Variants in FLNB observed in about 807,000 individuals in gnomAD.
FLNB encodes the protein filamin B.
FLNB carries 111 observed loss-of-function variants against 250.6 expected under a neutral mutation model. The ratio of observed to expected loss-of-function variants is 0.44; its 90% confidence interval spans 0.38 to 0.52. The LOEUF (loss-of-function observed/expected upper bound fraction) is 0.52. FLNB is among the 20% of genes least tolerant of loss of function. The pLI is 0.00. For synonymous variants in FLNB, 1,302 were observed against 1,372.1 expected, an observed-to-expected ratio of 0.95 and a Z score of 1.13; for missense variants, 2,869 against 3,447.8, an observed-to-expected ratio of 0.83 and a Z score of 4.20.
Position 58,153,519 on chromosome 3 carries a change from A to C in FLNB, c.6512A>C (p.Tyr2171Ser), listed in dbSNP as rs1051450577. Reference sequence around the variant, plus strand: ...GGCGTGCACACGGTCAGCGTCAAGTACCGTGGGCAGCACGTCACCGGCAGC... The same window carrying C: ...GGCGTGCACACGGTCAGCGTCAAGTCCCGTGGGCAGCACGTCACCGGCAGC... ...EMGVHTVSVK[Y>S]RGQHVTGSPF... is the part of the protein sequence containing the mutation. Residue 2171 changes from tyrosine (Y) to serine (S), a missense_variant, in exon 39 of 46, where the codon TAC becomes TCC. Physicochemically the swap from Tyr to Ser is moderately radical, Grantham distance 144. This residue lies in a region of FLNB where 1,084 missense variants were observed against 1,315.5 expected (regional missense o/e 0.82). Transcript: ENST00000295956. 1 of 1,614,182 alleles carries C rather than the reference A, an allele frequency of 6.2e-7. No homozygotes were observed. Among genetic ancestry groups the C allele is most frequent in the Non-Finnish European group, 8.5e-7 (1 of 1,180,050 alleles).
chr3:58,072,924 T>C (rs769228667), intron 1 of FLNB, among the ~76,000 whole-genome samples: 12 of 152,182 alleles, frequency 7.9e-5, no homozygotes, highest in Non-Finnish European at 1.3e-4. Flanking sequence ...TGGGTAAAAA[T>C]AGAGCAAGCC....
At chr3:58,010,876 A>G (rs2097097575) in intron 1 of FLNB, among the ~76,000 whole-genome samples, 1 of 151,276 alleles carries the variant, frequency 6.6e-6, no homozygotes, top group Non-Finnish European at 1.5e-5. Context: ...TTTTGTCTAC[A>G]TTTTTTTACA....
rs2097305909 is a variant in FLNB, at chr3:58,130,668, T to A, written c.4223-73T>A. ...GGCCGAGGTCCCGGGGGAGCAGCAG[T>A]GCTATTCTGGGTGTGCACAAGGTGG... On this transcript the variant is annotated intron_variant, in intron 24 of 45. Transcript: ENST00000295956. 6 of 1,509,374 alleles carry A rather than the reference T, an allele frequency of 4.0e-6. No homozygotes were observed. In the Admixed American group the frequency reaches 1.1e-4, roughly 28 times the overall value. 93.5% of individuals were successfully genotyped at this position (1,509,374 alleles called of 1,614,324 possible). A position where few individuals can be genotyped will look rare whatever the true frequency, so the allele number is the denominator to read the frequency against.
chr3:58,013,438 A>C (rs1209647711), intron 1 of FLNB, among the ~76,000 whole-genome samples: 21 of 152,316 alleles, frequency 1.4e-4, no homozygotes, highest in Non-Finnish European at 2.5e-4. Flanking sequence ...TACTACTACC[A>C]AAATAATTTC....
At position 58,119,934 on chromosome 3, in the gene FLNB, A is replaced by C. The variant is rs116325854; in HGVS notation, c.2863+945A>C. ...CTTCCAACAGTGCATCTCGGGAATC[A>C]TTCACTCCTACATCTTTTCCGTCTG... is the stretch of plus-strand genomic sequence containing the variant. On this transcript the variant is annotated intron_variant, in intron 19 of 45. Coordinates refer to ENST00000295956, the MANE Select transcript of FLNB (RefSeq NM_001457.4). Among the ~76,000 whole-genome samples, 1,051 of 152,286 alleles carry C rather than the reference A, an allele frequency of 6.9e-3. 9 individuals carry two copies. Among genetic ancestry groups the C allele is most frequent in the African/African-American group, 0.024 (1,002 of 41,544 alleles).
chr3:58,031,015 T>C (rs2097130095), intron 1 of FLNB, among the ~76,000 whole-genome samples: 1 of 152,234 alleles, frequency 6.6e-6, no homozygotes, highest in Non-Finnish European at 1.5e-5. Context: ...TATGAAGTTT[T>C]ACATATGTCA....
In FLNB at chr3:58,132,847, GCA is replaced by G; in HGVS notation, c.4439_4440del (p.Thr1480SerfsTer16). ...GTGAACGTGGTGGACAATGGAGATG[GCA>G]CACACACAGTAACCTACACCCCATC... is the stretch of plus-strand genomic sequence containing the variant. On this transcript the variant is annotated frameshift_variant, in exon 26 of 46. Transcript: ENST00000295956. LOFTEE classifies it high-confidence loss of function. The G allele has an allele frequency of 3.1e-6, 5 of 1,613,838 alleles. No individual in the cohort carries two copies. The highest frequency in any genetic ancestry group is 4.2e-6 in the Non-Finnish European group (5 of 1,179,868).
At chr3:58,155,255 TGAGCTCCCTCTAGCA>T (rs2097351547) in intron 40 of FLNB, among the ~76,000 whole-genome samples, 1 of 152,272 alleles carries the variant, frequency 6.6e-6, no homozygotes, top group Admixed American at 6.5e-5. Flanking sequence ...CCTTGGCATC[TGAGCTCCCTCTAGCA>T]GGAGCTCTTA....
intron 10 of FLNB, 67 bp from the exon 11 acceptor site, chr3:58,105,013 A>C: frequency 1.2e-6 from 2 of 1,601,932 alleles, no homozygotes; most frequent in Middle Eastern, 1.7e-4. Context: ...AAGGAACTGC[A>C]GCTTATGGCT....
intron 24 of FLNB, among the ~76,000 whole-genome samples, chr3:58,127,325 CAAA>C (rs879263542): frequency 5.9e-5 from 7 of 117,858 alleles, no homozygotes; most frequent in Admixed American, 1.8e-4. Context: ...GACCCTGTCT[CAAA>C]AAAAAAAAAA....
intron 1 of FLNB, among the ~76,000 whole-genome samples, chr3:58,038,906 A>G (rs578213154): frequency 6.6e-6 from 1 of 151,998 alleles, no homozygotes; most frequent in Admixed American, 6.6e-5. Flanking sequence ...TATAATCCCA[A>G]CCTGTTGTAT....
At position 58,096,412 on chromosome 3, in the gene FLNB, C is replaced by G. The variant is rs17058819; in HGVS notation, c.984+194C>G. ...AGCTAGGATGAGTTGTTTGCAATGT[C>G]GTAAGATTTTTCCAACTCCATCTAG... On this transcript the variant is annotated intron_variant, in intron 6 of 45. Coordinates refer to ENST00000295956, the MANE Select transcript of FLNB (RefSeq NM_001457.4). 0.022 allele frequency among the ~76,000 whole-genome samples: 3,360 copies of G among 152,270 alleles called. 66 individuals are homozygous for G. The highest frequency in any genetic ancestry group is 0.054 in the East Asian group (282 of 5,182).
At chr3:58,067,969 A>C (rs954957169) in intron 1 of FLNB, among the ~76,000 whole-genome samples, 1 of 152,294 alleles carries the variant, frequency 6.6e-6, no homozygotes, top group Non-Finnish European at 1.5e-5. Flanking sequence ...GGCATCTGAT[A>C]CTGGGACCCA....
intron 27 of FLNB, 47 bp from the exon 28 acceptor site, chr3:58,135,932 T>G (rs1471766529): frequency 6.3e-7 from 1 of 1,593,592 alleles, no homozygotes; most frequent in Admixed American, 1.7e-5. Context: ...ATGAATGTTT[T>G]CTACATCTTG....
Position 58,110,022 on chromosome 3 carries a change from T to C in FLNB, c.2336T>C (p.Val779Ala). ...CTEAGEGDVS[V>A]GIKCDARVLS... ...TGGTCTGTTCCAGGTGATGTCAGTG[T>C]TGGCATTAAGTGTGATGCCCGGGTG... The change falls in exon 16 of 46, where the codon GTT (valine) becomes GCT (alanine). Residue 779 changes from valine to alanine, a missense_variant. Physicochemically the swap from Val to Ala is moderately conservative, Grantham distance 64. Around this residue, in one of 5 missense-constraint regions of FLNB, gnomAD observed 1,348 missense variants for 1,466.7 expected, o/e 0.92. Transcript: ENST00000295956. 1.9e-6 allele frequency: 3 copies of C among 1,614,190 alleles called. No individual in the cohort carries two copies. Among genetic ancestry groups the C allele is most frequent in the South Asian group, 1.1e-5 (1 of 91,080 alleles).
At chr3:58,153,248 G>A in intron 38 of FLNB, 127 bp from the exon 39 acceptor site, 1 of 1,118,560 alleles carries the variant, frequency 8.9e-7, no homozygotes, top group Non-Finnish European at 1.3e-6. Flanking sequence ...AGGGAAGGAA[G>A]CCTGGGCACC....
intron 1 of FLNB, among the ~76,000 whole-genome samples, chr3:58,013,587 G>A (rs1389763776): frequency 6.6e-6 from 1 of 152,226 alleles, no homozygotes; most frequent in Non-Finnish European, 1.5e-5. Flanking sequence ...CACCCTGGGA[G>A]GCCAAGGTGG....
chr3:58,037,604 C>T (rs1273971608), intron 1 of FLNB, among the ~76,000 whole-genome samples: 1 of 152,096 alleles, frequency 6.6e-6, no homozygotes, highest in African/African-American at 2.4e-5. Flanking sequence ...TTCATTTTTT[C>T]CCTTGCATTC....
At position 58,137,448 on chromosome 3, in the gene FLNB, C is replaced by T. The variant is rs79104815; in HGVS notation, c.4862-834C>T. 1.4e-4 allele frequency among the ~76,000 whole-genome samples: 21 copies of T among 152,372 alleles called. No individual in the cohort carries two copies. The East Asian group carries it at 3.9e-3, about 28-fold the overall frequency. On this transcript the variant is annotated intron_variant, in intron 28 of 45. Coordinates refer to ENST00000295956, the MANE Select transcript of FLNB (RefSeq NM_001457.4). Reference sequence around the variant, plus strand: ...CTTGGGCAGAAGCCTGAGCTGAATACTTGCCTTTTGGCCACACCTCTGGGT... The same window carrying T: ...CTTGGGCAGAAGCCTGAGCTGAATATTTGCCTTTTGGCCACACCTCTGGGT...
Sources: allele counts gnomAD v4.1 joint callset (sites outside exome capture counted in the v4.1 genomes callset), GRCh38; gene constraint gnomAD v4.1.1; regional missense constraint gnomAD v4.1.1; transcripts MANE v1.5; gene names NCBI Gene and HGNC (gene_info 2026-07-23, HGNC 2026-07-21).